Variants in PRTG observed in about 807,000 individuals in gnomAD.
PRTG encodes the protein protogenin, also known as immunoglobulin superfamily, DCC subclass, member 5.
A neutral mutation model predicts 122.5 loss-of-function variants in PRTG; 67 were observed. The observed-to-expected ratio is 0.55, with a 90% confidence interval of 0.45 to 0.67. PRTG has a LOEUF of 0.67. PRTG is among the 30% of genes least tolerant of loss of function. The pLI is 0.00. For synonymous variants in PRTG, 554 were observed against 501.1 expected (o/e 1.11, Z -1.41); for missense variants, 1,435 against 1,415.4 (o/e 1.01, Z -0.22).
intron 2 of PRTG, among the ~76,000 whole-genome samples, chr15:55,687,607 C>T (rs1192204042): frequency 6.6e-6 from 1 of 152,054 alleles, no homozygotes; most frequent in South Asian, 2.1e-4. Context: ...GTACTTTAGG[C>T]CTAATGGGCT....
At chr15:55,676,295 A>T (rs1013067116) in intron 8 of PRTG, among the ~76,000 whole-genome samples, 1 of 152,034 alleles carries the variant, frequency 6.6e-6, no homozygotes, top group Non-Finnish European at 1.5e-5. Flanking sequence ...AGAGAAAAAA[A>T]TTCTCAGCAA....
intron 15 of PRTG, among the ~76,000 whole-genome samples, chr15:55,630,110 C>T (rs562342885): frequency 1.5e-3 from 222 of 152,142 alleles, no homozygotes; most frequent in African/African-American, 4.7e-3. Flanking sequence ...CCTCAGCCTC[C>T]TGAGTAGCTG....
Position 55,638,543 on chromosome 15 carries a change from C to G in PRTG, c.2452+6G>C. Reference sequence around the variant, plus strand: ...GATAAAATCTATAGGGAGCTGTTTTCTTTACCTTCTGGAAGAGTAGAATGG... The same window carrying G: ...GATAAAATCTATAGGGAGCTGTTTTGTTTACCTTCTGGAAGAGTAGAATGG... On this transcript the variant is annotated splice_donor_region_variant and intron_variant, in intron 14 of 19. Transcript: ENST00000389286. 3 of 1,592,222 alleles carry G rather than the reference C, an allele frequency of 1.9e-6. No homozygotes were observed. Among genetic ancestry groups the G allele is most frequent in the South Asian group, 1.2e-5 (1 of 86,786 alleles).
intron 15 of PRTG, among the ~76,000 whole-genome samples, chr15:55,630,436 G>A (rs1399520929): frequency 6.6e-6 from 1 of 152,118 alleles, no homozygotes; most frequent in African/African-American, 2.4e-5. Flanking sequence ...CCTAATTATT[G>A]TCACAGATTC....
chr15:55,678,134 A>C, intron 7 of PRTG, 90 bp from the exon 8 acceptor site: 1 of 746,180 alleles, frequency 1.3e-6, no homozygotes, highest in Non-Finnish European at 2.1e-6. Flanking sequence ...CTCTCATTTT[A>C]TTTTATTTTA....
At chr15:55,680,027 C>A in intron 6 of PRTG, 27 bp downstream of exon 6, 1 of 1,586,756 alleles carries the variant, frequency 6.3e-7, no homozygotes, top group Non-Finnish European at 8.6e-7. Flanking sequence ...GTAAGATTCC[C>A]CTGATTGCAG....
At chr15:55,721,715 G>T (rs938639487) in intron 2 of PRTG, among the ~76,000 whole-genome samples, 1 of 152,164 alleles carries the variant, frequency 6.6e-6, no homozygotes, top group Non-Finnish European at 1.5e-5. Context: ...TTGAATCACA[G>T]TTAAGGACGG....
intron 1 of PRTG, among the ~76,000 whole-genome samples, chr15:55,741,832 T>C (rs1469361633): frequency 6.6e-6 from 1 of 152,172 alleles, no homozygotes; most frequent in Non-Finnish European, 1.5e-5. Context: ...CGCGGACCAC[T>C]CCGGAAGGCG....
intron 7 of PRTG, among the ~76,000 whole-genome samples, chr15:55,678,396 T>C (rs1207427984): frequency 1.3e-5 from 2 of 152,048 alleles, no homozygotes; most frequent in African/African-American, 4.8e-5. Flanking sequence ...ACTCCAGGCA[T>C]GTGTAGTTTT....
rs892027505 is a variant in PRTG at position 55,612,860 on chromosome 15, T to G, written c.*7152A>C. On this transcript the variant is annotated 3_prime_UTR_variant, in exon 20 of 20. Transcript: ENST00000389286. Reference sequence around the variant, plus strand: ...AACATATGAGTGTTTCCATTTCAGCTATATCTTTTACCAACCACTTTCTTC... The same window carrying G: ...AACATATGAGTGTTTCCATTTCAGCGATATCTTTTACCAACCACTTTCTTC... 4 of 151,588 alleles carry G rather than the reference T, an allele frequency of 2.6e-5. No individual in the cohort carries two copies. The highest frequency in any genetic ancestry group is 4.4e-5 in the Non-Finnish European group (3 of 67,876). The allele number at this position is 151,588 out of a possible 1,614,324, so 9.4% of individuals were successfully genotyped here.
In PRTG at chr15:55,614,876, T is replaced by A. The variant is rs796450498; in HGVS notation, c.*5136A>T. The A allele has an allele frequency of 2.6e-5, 4 of 152,124 alleles. No individual in the cohort carries two copies. Among genetic ancestry groups the A allele is most frequent in the Non-Finnish European group, 5.9e-5 (4 of 67,984 alleles). 9.4% of individuals were successfully genotyped at this position (152,124 alleles called of 1,614,324 possible). A position where few individuals can be genotyped will look rare whatever the true frequency, so the allele number is the denominator to read the frequency against. On this transcript the variant is annotated 3_prime_UTR_variant, in exon 20 of 20. Coordinates refer to ENST00000389286, the MANE Select transcript of PRTG (RefSeq NM_173814.6). ...TTCCACAGAAAGAATGTACCTGTTGTGGGCAAAATACTGGCCACCTACAGA... is the reference window on the plus strand; with the variant it reads ...TTCCACAGAAAGAATGTACCTGTTGAGGGCAAAATACTGGCCACCTACAGA...
chr15:55,640,915 G>A (rs2063385551), intron 12 of PRTG, among the ~76,000 whole-genome samples, 198 bp downstream of exon 12: 1 of 151,492 alleles, frequency 6.6e-6, no homozygotes, highest in Admixed American at 6.6e-5. Flanking sequence ...CTACTCGAGA[G>A]GCTGAGGCAG....
At chr15:55,739,636 C>T (rs549744344) in intron 2 of PRTG, among the ~76,000 whole-genome samples, 1 of 152,310 alleles carries the variant, frequency 6.6e-6, no homozygotes, top group South Asian at 2.1e-4. Context: ...GAGTTCAGTA[C>T]TTGTCCTAGG....
intron 11 of PRTG, among the ~76,000 whole-genome samples, chr15:55,654,907 GCA>G (rs1397529579): frequency 2.0e-5 from 3 of 152,238 alleles, no homozygotes; most frequent in South Asian, 4.1e-4. Context: ...GGTCAGAGGT[GCA>G]CAGTTTCATT....
chr15:55,677,161 A>T (rs992289263), intron 8 of PRTG, among the ~76,000 whole-genome samples: 1 of 152,192 alleles, frequency 6.6e-6, no homozygotes, highest in Admixed American at 6.5e-5. Context: ...AAAGTAAAAT[A>T]TAAGAAAAAT....
At chr15:55,713,534 C>G (rs2414426) in intron 2 of PRTG, among the ~76,000 whole-genome samples, 26,198 of 152,208 alleles carry the variant, frequency 0.17, 3,121 homozygotes, top group East Asian at 0.58. Context: ...CCAAATTACT[C>G]TCTAAAATAG....
At chr15:55,630,444 T>C (rs2059221604) in intron 15 of PRTG, among the ~76,000 whole-genome samples, 1 of 152,100 alleles carries the variant, frequency 6.6e-6, no homozygotes, top group African/African-American at 2.4e-5. Context: ...TTGTCACAGA[T>C]TCAAGATAAA....
chr15:55,709,087 G>C (rs1171483681), intron 2 of PRTG, among the ~76,000 whole-genome samples: 1 of 146,016 alleles, frequency 6.8e-6, no homozygotes, highest in Non-Finnish European at 1.5e-5. Flanking sequence ...CGGAGGTTGC[G>C]GTGAGCCAAA....
intron 1 of PRTG, among the ~76,000 whole-genome samples, chr15:55,741,463 A>C (rs187945938): frequency 1.3e-5 from 2 of 152,322 alleles, no homozygotes; most frequent in Middle Eastern, 6.8e-3. Context: ...TAATCAACCA[A>C]TACACATTTT....
Sources: allele counts gnomAD v4.1 joint callset (sites outside exome capture counted in the v4.1 genomes callset), GRCh38; gene constraint gnomAD v4.1.1; transcripts MANE v1.5; gene names NCBI Gene and HGNC (gene_info 2026-07-23, HGNC 2026-07-21).